The following SEC31B variants were observed in gnomAD, a reference collection of about 807,000 sequenced individuals.
SEC31B encodes protein transport protein Sec31B.
Under a neutral mutation model 135.0 loss-of-function variants are expected in SEC31B, and 113 were observed. The observed-to-expected ratio is 0.84, with a 90% confidence interval of 0.72 to 0.98. The LOEUF is 0.98. Among genes scored for constraint, SEC31B ranks in the 50% least tolerant of loss-of-function variants. The probability of loss-of-function intolerance (pLI) is 0.00; values close to 1 mark genes in which losing one functional copy is unlikely to be tolerated. For missense variants in SEC31B, 1,296 were observed against 1,421.1 expected, an observed-to-expected ratio of 0.91 and a Z score of 1.42; for synonymous variants, 508 against 549.4, an observed-to-expected ratio of 0.92 and a Z score of 1.05.
In SEC31B at chr10:100,489,685, A is replaced by G; in HGVS notation, c.3024+18T>C. ...TTGGTGAATGTGCGAGGGAGTGGGTAGGGAAAGATGCATTGACCTTGTTCC... is the reference window on the plus strand; with the variant it reads ...TTGGTGAATGTGCGAGGGAGTGGGTGGGGAAAGATGCATTGACCTTGTTCC... On this transcript the variant is annotated intron_variant, in intron 22 of 25. Coordinates refer to ENST00000370345, the MANE Select transcript of SEC31B (RefSeq NM_015490.4). 1 of 1,614,198 alleles carries G rather than the reference A, an allele frequency of 6.2e-7. No homozygotes were observed. Among genetic ancestry groups the G allele is most frequent in the Middle Eastern group, 1.7e-4 (1 of 6,060 alleles).
chr10:100,509,093 G>A lies in SEC31B; in HGVS notation c.409C>T (p.Leu137=). 1 of 1,614,058 alleles carries A rather than the reference G, an allele frequency of 6.2e-7. No homozygotes were observed. Among genetic ancestry groups the A allele is most frequent in the East Asian group, 2.2e-5 (1 of 44,880 alleles). The part of the protein sequence containing the change: ...LDLNPFQGNL[L]ASGASDSEIF... ...TCAGAATCGCTGGCCCCTGAAGCCAGGAGGTTGCCCTGTATGAATAAAAAG... is the reference window on the plus strand; with the variant it reads ...TCAGAATCGCTGGCCCCTGAAGCCAAGAGGTTGCCCTGTATGAATAAAAAG... The change falls in exon 5 of 26, where the codon CTG becomes TTG. Residue 137 remains leucine (L), a synonymous_variant. Transcript: ENST00000370345.
intron 11 of SEC31B, among the ~76,000 whole-genome samples, chr10:100,501,962 T>C (rs1182396239): frequency 6.6e-6 from 1 of 152,268 alleles, no homozygotes; most frequent in African/African-American, 2.4e-5. Context: ...GTGAAGGTCT[T>C]TGCCTTGGCC....
intron 13 of SEC31B, among the ~76,000 whole-genome samples, 168 bp downstream of exon 13, chr10:100,498,992 T>A (rs1316540378): frequency 6.6e-6 from 1 of 152,182 alleles, no homozygotes; most frequent in Non-Finnish European, 1.5e-5. Context: ...GCCCAAAAGC[T>A]TAGGGACTCT....
At chr10:100,497,934 G>A in intron 15 of SEC31B, 95 bp downstream of exon 15, 1 of 1,573,018 alleles carries the variant, frequency 6.4e-7, no homozygotes, top group Non-Finnish European at 8.7e-7. Context: ...GAGAGAGGCA[G>A]GCAGATACTC....
intron 10 of SEC31B, among the ~76,000 whole-genome samples, chr10:100,503,728 G>A (rs1275366785): frequency 1.3e-5 from 2 of 150,254 alleles, no homozygotes; most frequent in East Asian, 3.9e-4. Context: ...AGCCACCAGC[G>A]CCTGGCCGAC....
chr10:100,493,241 C>T (rs377119046), intron 19 of SEC31B, among the ~76,000 whole-genome samples: 5 of 151,912 alleles, frequency 3.3e-5, no homozygotes, highest in South Asian at 2.1e-4. Context: ...GGCGTGGTGG[C>T]GGGCGCCTGT....
intron 3 of SEC31B, among the ~76,000 whole-genome samples, 196 bp from the exon 4 acceptor site, chr10:100,509,707 C>T (rs996214012): frequency 5.9e-5 from 9 of 152,134 alleles, no homozygotes; most frequent in African/African-American, 2.2e-4. Context: ...AATGTTTCAT[C>T]TACGTTACAC....
At chr10:100,497,074 C>G in intron 17 of SEC31B, 61 bp downstream of exon 17, 2 of 1,587,380 alleles carry the variant, frequency 1.3e-6, no homozygotes, top group Non-Finnish European at 1.7e-6. Context: ...CTGCACATCT[C>G]CACCACTAGC....
At chr10:100,488,258 G>T (rs536344894) in intron 24 of SEC31B, among the ~76,000 whole-genome samples, 160 bp from the exon 25 acceptor site, 1 of 152,218 alleles carries the variant, frequency 6.6e-6, no homozygotes, top group South Asian at 2.1e-4. Flanking sequence ...AGGAGATGGA[G>T]ACCATCCTGG....
At position 100,487,996 on chromosome 10, in the gene SEC31B, A is replaced by G. The variant is rs368424785; in HGVS notation, c.3360+31T>C. On this transcript the variant is annotated intron_variant, in intron 25 of 25. Coordinates refer to ENST00000370345, the MANE Select transcript of SEC31B (RefSeq NM_015490.4). ...GCCATGGTGATGGTGGAAGTGTAGGAGGCAGTGGGAGCACAGCTAGCTGTA... is the reference window on the plus strand; with the variant it reads ...GCCATGGTGATGGTGGAAGTGTAGGGGGCAGTGGGAGCACAGCTAGCTGTA... 2.4e-4 allele frequency: 381 copies of G among 1,601,220 alleles called. 7 individuals carry two copies. In the Middle Eastern group the frequency reaches 0.017, roughly 70 times the overall value.
At chr10:100,518,227 T>C (rs1048056005) in intron 1 of SEC31B, among the ~76,000 whole-genome samples, 1 of 152,374 alleles carries the variant, frequency 6.6e-6, no homozygotes, top group Non-Finnish European at 1.5e-5. Context: ...AATACTTTTC[T>C]CATTCATTGT....
Position 100,509,405 on chromosome 10 carries a change from G to C in SEC31B, c.310C>G (p.His104Asp). ...GGCTCCTTCCCCGAAGACAGGATGT[G>C]GGTCACATTGTATAGAATAAGCATG... ...NGMLILYNVT[H>D]ILSSGKEPVI... Residue 104 changes from histidine to aspartate, a missense_variant, in exon 4 of 26, where the codon CAC becomes GAC. His to Asp is a moderately conservative substitution (Grantham distance 81). Transcript: ENST00000370345. 1 of 1,614,122 alleles carries C rather than the reference G, an allele frequency of 6.2e-7. No homozygotes were observed. Among genetic ancestry groups the C allele is most frequent in the Non-Finnish European group, 8.5e-7 (1 of 1,180,018 alleles).
intron 1 of SEC31B, among the ~76,000 whole-genome samples, chr10:100,517,717 C>G (rs1589743085): frequency 6.6e-6 from 1 of 152,288 alleles, no homozygotes; most frequent in African/African-American, 2.4e-5. Flanking sequence ...ATTCTACCAT[C>G]TTTTATGGTC....
intron 6 of SEC31B, 30 bp from the exon 7 acceptor site, chr10:100,507,597 T>C (rs1851657443): frequency 6.2e-7 from 1 of 1,612,708 alleles, no homozygotes; most frequent in Non-Finnish European, 8.5e-7. Context: ...CAATGGGTGC[T>C]GTAACCTGAC....
At chr10:100,503,777 A>G (rs1490552130) in intron 10 of SEC31B, among the ~76,000 whole-genome samples, 1 of 151,988 alleles carries the variant, frequency 6.6e-6, no homozygotes, top group Non-Finnish European at 1.5e-5. Context: ...TAGGTTAAAA[A>G]AATTCAATCC....
intron 1 of SEC31B, among the ~76,000 whole-genome samples, chr10:100,518,781 A>G (rs1251168616): frequency 6.6e-6 from 1 of 152,246 alleles, no homozygotes; most frequent in Non-Finnish European, 1.5e-5. Flanking sequence ...AGGAGATAGT[A>G]TTACTTAATC....
At chr10:100,503,536 C>T (rs1263518227) in intron 10 of SEC31B, among the ~76,000 whole-genome samples, 1 of 151,478 alleles carries the variant, frequency 6.6e-6, no homozygotes, top group East Asian at 1.9e-4. Context: ...CAGGTTCACT[C>T]GATTCTCCTG....
chr10:100,506,890 A>G (rs1416062773), intron 7 of SEC31B, among the ~76,000 whole-genome samples: 1 of 152,184 alleles, frequency 6.6e-6, no homozygotes, highest in African/African-American at 2.4e-5. Flanking sequence ...ACTTGAGCCC[A>G]GGAGATCGAG....
In SEC31B at chr10:100,486,775, C is replaced by G. The variant is rs1218813509; in HGVS notation, c.*841G>C. 1 of 152,280 alleles carries G rather than the reference C, an allele frequency of 6.6e-6. No individual in the cohort carries two copies. Among genetic ancestry groups the G allele is most frequent in the Non-Finnish European group, 1.5e-5 (1 of 68,160 alleles). 9.4% of individuals were successfully genotyped at this position (152,280 alleles called of 1,614,324 possible). Reference sequence around the variant, plus strand: ...GGCTGCGAGGGAGAAGGACCCCCAACCCTTGAGGAGCAGCGCTGGAAGAGA... The same window carrying G: ...GGCTGCGAGGGAGAAGGACCCCCAAGCCTTGAGGAGCAGCGCTGGAAGAGA... On this transcript the variant is annotated 3_prime_UTR_variant, in exon 26 of 26. Transcript: ENST00000370345.
Sources: gnomAD v4.1 joint callset for allele counts (sites outside exome capture counted in the v4.1 genomes callset) on GRCh38, gnomAD v4.1.1 for gene constraint, MANE v1.5 for transcripts, NCBI Gene and HGNC (gene_info 2026-07-23, HGNC 2026-07-21) for gene names.